SHTN1: variants seen among roughly 807,000 people sequenced by gnomAD.
SHTN1 encodes the protein shootin-1.
In SHTN1, 42 loss-of-function variants were observed where a neutral mutation model predicts 83.1. The ratio of observed to expected loss-of-function variants is 0.51; its 90% CI spans 0.39 to 0.65. The LOEUF (loss-of-function observed/expected upper bound fraction) is 0.65, where lower values mean the gene tolerates loss of function less well. Among genes scored for constraint, SHTN1 ranks in the 30% least tolerant of loss-of-function variants. SHTN1 has a pLI of 0.00. For synonymous variants in SHTN1, 224 were observed against 247.7 expected, an observed-to-expected ratio of 0.90 and a Z score of 0.90; for missense variants, 622 against 737.8, an observed-to-expected ratio of 0.84 and a Z score of 1.82.
chr10:116,964,792 G>A (rs908011956), intron 3 of SHTN1, among the ~76,000 whole-genome samples: 2 of 152,122 alleles, frequency 1.3e-5, no homozygotes, highest in African/African-American at 2.4e-5. Flanking sequence ...AGACCAGCCC[G>A]GCCAACATGG....
At chr10:117,119,812 G>C (rs1182161618) in intron 1 of SHTN1, among the ~76,000 whole-genome samples, 1 of 150,810 alleles carries the variant, frequency 6.6e-6, no homozygotes, top group Non-Finnish European at 1.5e-5. Context: ...TTTAAAAATT[G>C]TACCTATACA....
At chr10:116,892,332 C>T (rs1156809046) in intron 16 of SHTN1, among the ~76,000 whole-genome samples, 5 of 152,226 alleles carry the variant, frequency 3.3e-5, no homozygotes, top group African/African-American at 1.2e-4. Context: ...AAAAGCAACA[C>T]TGACAATGCG....
At chr10:117,042,789 T>C (rs929144959) in intron 2 of SHTN1, among the ~76,000 whole-genome samples, 1 of 152,106 alleles carries the variant, frequency 6.6e-6, no homozygotes, top group Non-Finnish European at 1.5e-5. Flanking sequence ...CTAATTTTTG[T>C]ATTTTTAGTA....
intron 11 of SHTN1, 96 bp downstream of exon 11, chr10:116,927,696 G>T: frequency 7.2e-7 from 1 of 1,392,834 alleles, no homozygotes; most frequent in Non-Finnish European, 9.4e-7. Context: ...AGAAGCATCA[G>T]CTAGTATCTT....
intron 6 of SHTN1, among the ~76,000 whole-genome samples, chr10:116,950,797 T>C (rs1193746461): frequency 6.6e-6 from 1 of 152,176 alleles, no homozygotes; most frequent in Non-Finnish European, 1.5e-5. Context: ...CGTTACAATG[T>C]TTTGCCACAA....
chr10:117,077,568 G>A (rs1412688940), intron 1 of SHTN1, among the ~76,000 whole-genome samples: 1 of 151,902 alleles, frequency 6.6e-6, no homozygotes, highest in East Asian at 1.9e-4. Context: ...ATGTTGCTGT[G>A]CTGCACCCAT....
intron 1 of SHTN1, among the ~76,000 whole-genome samples, chr10:117,117,368 T>C (rs1314638818): frequency 6.6e-6 from 1 of 152,074 alleles, no homozygotes; most frequent in Non-Finnish European, 1.5e-5. Flanking sequence ...GAAAGATCTA[T>C]ACAAGGAAAC....
At chr10:116,977,808 G>A (rs1276373426) in intron 2 of SHTN1, among the ~76,000 whole-genome samples, 4 of 152,092 alleles carry the variant, frequency 2.6e-5, no homozygotes, top group South Asian at 2.1e-4. Flanking sequence ...GCAAGTAGCT[G>A]GGACTACAGG....
At chr10:116,890,955 T>C (rs1383392594) in intron 16 of SHTN1, among the ~76,000 whole-genome samples, 2 of 152,240 alleles carry the variant, frequency 1.3e-5, no homozygotes, top group Admixed American at 1.3e-4. Flanking sequence ...AAATCAACTT[T>C]CCACGTTCCA....
chr10:117,053,766 CA>C (rs1056141844), intron 1 of SHTN1, among the ~76,000 whole-genome samples: 25 of 152,140 alleles, frequency 1.6e-4, no homozygotes, highest in Admixed American at 1.4e-3. Context: ...TGTATACCCA[CA>C]AAAAGTGAAA....
chr10:116,889,608 C>T (rs1407331361), intron 16 of SHTN1, among the ~76,000 whole-genome samples: 2 of 152,100 alleles, frequency 1.3e-5, no homozygotes, highest in East Asian at 3.9e-4. Context: ...GGAACTGGCC[C>T]GAAACCACAC....
intron 2 of SHTN1, among the ~76,000 whole-genome samples, chr10:117,043,666 T>G (rs1040787161): frequency 6.6e-6 from 1 of 151,718 alleles, no homozygotes; most frequent in South Asian, 2.1e-4. Flanking sequence ...CATAGGGAGA[T>G]CCCATCTCTA....
chr10:116,920,296 C>T (rs1023453490), intron 12 of SHTN1, among the ~76,000 whole-genome samples: 1 of 152,270 alleles, frequency 6.6e-6, no homozygotes, highest in East Asian at 1.9e-4. Context: ...TTGTTTTAAG[C>T]CTTTGCTGTC....
At chr10:116,966,268 A>AC (rs1420850069) in intron 3 of SHTN1, among the ~76,000 whole-genome samples, 1 of 152,178 alleles carries the variant, frequency 6.6e-6, no homozygotes, top group Non-Finnish European at 1.5e-5. Flanking sequence ...TCGGCCTCCC[A>AC]AAGTGCTGCG....
At chr10:116,970,402 G>A (rs1474001638) in intron 2 of SHTN1, among the ~76,000 whole-genome samples, 3 of 152,148 alleles carry the variant, frequency 2.0e-5, no homozygotes, top group Non-Finnish European at 4.4e-5. Flanking sequence ...AAAGCCGTAT[G>A]TATCAACATA....
intron 1 of SHTN1, among the ~76,000 whole-genome samples, chr10:117,116,399 G>C (rs1353494744): frequency 6.6e-6 from 1 of 152,072 alleles, no homozygotes. Context: ...CCAGTAACAA[G>C]TAATGAGATG....
At chr10:117,109,426 T>G (rs902077589) in intron 1 of SHTN1, among the ~76,000 whole-genome samples, 5 of 152,052 alleles carry the variant, frequency 3.3e-5, no homozygotes, top group Non-Finnish European at 7.4e-5. Context: ...TCGTAAAAAT[T>G]TCAGATTGGA....
chr10:116,911,397 C>T (rs1848185747), intron 14 of SHTN1: 2 of 1,455,622 alleles, frequency 1.4e-6, no homozygotes, highest in Admixed American at 2.2e-5. Flanking sequence ...AGGAATTTAG[C>T]TTCACATTTA....
intron 3 of SHTN1, among the ~76,000 whole-genome samples, chr10:116,965,051 G>C (rs958506832): frequency 2.0e-5 from 3 of 152,198 alleles, no homozygotes; most frequent in Non-Finnish European, 4.4e-5. Context: ...ATGCAGCTTT[G>C]CTATGTAGTG....
Sources: allele counts gnomAD v4.1 joint callset (sites outside exome capture counted in the v4.1 genomes callset), GRCh38; gene constraint gnomAD v4.1.1; transcripts MANE v1.5; gene names NCBI Gene and HGNC (gene_info 2026-07-23, HGNC 2026-07-21).